MICU3: variants seen among roughly 807,000 people sequenced by gnomAD.
MICU3 encodes calcium uptake protein 3, mitochondrial.
In MICU3, 62 loss-of-function variants were observed where a neutral mutation model predicts 66.5. That is an observed-to-expected ratio of 0.93 (90% confidence interval 0.76 to 1.15). The LOEUF (loss-of-function observed/expected upper bound fraction) is 1.15, where lower values mean the gene tolerates loss of function less well. Ranked by LOEUF, MICU3 falls within the 50% of genes most tolerant of loss-of-function variation. The pLI is 0.00. For synonymous variants in MICU3, 308 were observed against 240.7 expected (o/e 1.28, Z -2.59); for missense variants, 779 against 664.4 (o/e 1.17, Z -1.90).
intron 2 of MICU3, among the ~76,000 whole-genome samples, chr8:17,066,544 T>TATATATATATA (rs1491234403): frequency 8.1e-5 from 5 of 61,514 alleles, no homozygotes; most frequent in African/African-American, 4.4e-4. Flanking sequence ...TATATATAGA[T>TATATATATATA]TTTTTTTTTT....
At chr8:17,125,953 C>G (rs2150853120), downstream of MICU3, among the ~76,000 whole-genome samples, 1 of 150,174 alleles carries the variant, frequency 6.7e-6, no homozygotes, top group South Asian at 2.1e-4. Context: ...TCACTTGAAC[C>G]TGGGAGGTGG....
chr8:17,065,458 A>T (rs1314004252), intron 2 of MICU3, among the ~76,000 whole-genome samples: 1 of 152,218 alleles, frequency 6.6e-6, no homozygotes, highest in Admixed American at 6.5e-5. Flanking sequence ...GAAGCTGTAT[A>T]GGATGAGAAT....
At chr8:17,090,774 T>C (rs1404782682) in intron 8 of MICU3, 190 bp downstream of exon 8, 1 of 421,798 alleles carries the variant, frequency 2.4e-6, no homozygotes, top group Non-Finnish European at 4.2e-6. Flanking sequence ...GACTAAAATA[T>C]GCAGAATAAT....
chr8:17,116,036 G>T lies in MICU3; in HGVS notation c.1367-407G>T, dbSNP rs540501682. ...TCCCTGCTCCACACTAAACACAGAA[G>T]TGATCACTCATCTCCAGATTCTCAT... is the stretch of plus-strand genomic sequence containing the variant. On this transcript the variant is annotated intron_variant, in intron 12 of 14. Coordinates refer to ENST00000318063, the MANE Select transcript of MICU3 (RefSeq NM_181723.3). Among the ~76,000 whole-genome samples, 3 of 152,280 alleles carry T rather than the reference G, an allele frequency of 2.0e-5. No homozygotes were observed. The South Asian group carries it at 6.2e-4, about 32-fold the overall frequency.
intron 3 of MICU3, among the ~76,000 whole-genome samples, chr8:17,075,670 GATT>G (rs1820279116): frequency 1.3e-5 from 2 of 152,184 alleles, no homozygotes; most frequent in African/African-American, 4.8e-5. Context: ...GGAGAAACTA[GATT>G]ATTACTAAAA....
chr8:17,059,606 C>T (rs1817519595), intron 1 of MICU3, among the ~76,000 whole-genome samples: 1 of 152,034 alleles, frequency 6.6e-6, no homozygotes, highest in African/African-American at 2.4e-5. Flanking sequence ...CTTAGCAAAT[C>T]TGAGAAAAAA....
At chr8:17,084,913 T>C (rs1292558917) in intron 5 of MICU3, among the ~76,000 whole-genome samples, 3 of 152,182 alleles carry the variant, frequency 2.0e-5, no homozygotes, top group South Asian at 2.1e-4. Context: ...GCTGAACATA[T>C]TGAATATATT....
intron 11 of MICU3, among the ~76,000 whole-genome samples, chr8:17,106,491 C>T (rs1055813353): frequency 2.0e-5 from 3 of 150,604 alleles, no homozygotes; most frequent in Non-Finnish European, 2.9e-5. Context: ...AATTGTACTA[C>T]CCTAGTAGTG....
chr8:17,064,169 A>G lies in MICU3; in HGVS notation c.467A>G (p.Glu156Gly). Residue 156 changes from glutamate to glycine, a missense_variant, in exon 2 of 15, where the codon GAA becomes GGA. Glu to Gly is a moderately conservative substitution (Grantham distance 98). Transcript: ENST00000318063. ...ERRFRLFASI[E>G]CEGQLFMTPY... ...CGATTTCGTTTATTTGCTTCTATAG[A>G]ATGTGAAGGGCAGTTATTCATGACT... 1 of 1,613,234 alleles carries G rather than the reference A, an allele frequency of 6.2e-7. No homozygotes were observed. Among genetic ancestry groups the G allele is most frequent in the Non-Finnish European group, 8.5e-7 (1 of 1,179,432 alleles).
chr8:17,112,877 C>G (rs749802679), intron 11 of MICU3, among the ~76,000 whole-genome samples: 1 of 152,162 alleles, frequency 6.6e-6, no homozygotes, highest in South Asian at 2.1e-4. Context: ...ACAAGCTCTC[C>G]ACATCACGAC....
At chr8:17,080,071 T>C (rs1317912715) in intron 4 of MICU3, among the ~76,000 whole-genome samples, 1 of 152,038 alleles carries the variant, frequency 6.6e-6, no homozygotes, top group Non-Finnish European at 1.5e-5. Flanking sequence ...ACCATTACTA[T>C]ATGCCTAGCT....
At chr8:17,069,855 T>A in intron 3 of MICU3, 136 bp downstream of exon 3, 1 of 255,660 alleles carries the variant, frequency 3.9e-6, no homozygotes, top group Non-Finnish European at 7.4e-6. Context: ...TCAAATCACA[T>A]CAGAGTTCCT....
intron 2 of MICU3, 26 bp downstream of exon 2, chr8:17,064,263 A>C: frequency 1.9e-6 from 3 of 1,566,342 alleles, no homozygotes; most frequent in Non-Finnish European, 2.6e-6. Flanking sequence ...AAATTATCTT[A>C]ATAATTGTAT....
rs1395488720 is a variant in MICU3 at position 17,036,828 on chromosome 8, C to G, written c.381+9168C>G. Among the ~76,000 whole-genome samples the G allele has an allele frequency of 2.0e-5, 3 of 152,346 alleles. No homozygotes were observed. In the East Asian group the frequency reaches 5.8e-4, roughly 29 times the overall value. On this transcript the variant is annotated intron_variant, in intron 1 of 14. Transcript: ENST00000318063. ...GCGCCGTGCGCTCGCACTCCTCAGCCCTTGGGTGGTCGATGGCACTGGGCA... is the reference window on the plus strand; with the variant it reads ...GCGCCGTGCGCTCGCACTCCTCAGCGCTTGGGTGGTCGATGGCACTGGGCA...
At chr8:17,051,495 T>C (rs553966948) in intron 1 of MICU3, among the ~76,000 whole-genome samples, 15 of 152,302 alleles carry the variant, frequency 9.8e-5, no homozygotes, top group African/African-American at 2.9e-4. Flanking sequence ...AAGTGGGTAA[T>C]TGTAGATTTA....
intron 1 of MICU3, among the ~76,000 whole-genome samples, chr8:17,043,099 C>T (rs987867334): frequency 6.6e-6 from 1 of 151,504 alleles, no homozygotes; most frequent in African/African-American, 2.4e-5. Flanking sequence ...ACCACCACGC[C>T]CGGCTAATTT....
chr8:17,064,104 C>A lies in MICU3; in HGVS notation c.402C>A (p.Asp134Glu). ...TTTAGGTTGCTATTGGCAGAACAGA[C>A]ATTGAAGACTTAGACCTTTATGCCA... Reference protein sequence around the residue: ...AKETVAIGRTDIEDLDLYATS... With the variant: ...AKETVAIGRTEIEDLDLYATS... Residue 134 changes from aspartate (D) to glutamate (E), a missense_variant, in exon 2 of 15, where the codon GAC (aspartate) becomes GAA (glutamate). Asp to Glu is a conservative substitution (Grantham distance 45, BLOSUM62 2). Transcript: ENST00000318063. 5.6e-6 allele frequency: 9 copies of A among 1,611,486 alleles called. No individual in the cohort carries two copies. Among genetic ancestry groups the A allele is most frequent in the Non-Finnish European group, 7.6e-6 (9 of 1,178,586 alleles).
intron 12 of MICU3, among the ~76,000 whole-genome samples, chr8:17,114,835 G>A (rs1324043654): frequency 6.6e-6 from 1 of 152,182 alleles, no homozygotes; most frequent in African/African-American, 2.4e-5. Context: ...AAACCCCAGA[G>A]GAGGCCGGGC....
intron 8 of MICU3, among the ~76,000 whole-genome samples, chr8:17,096,437 G>A (rs996067862): frequency 1.3e-5 from 2 of 151,604 alleles, no homozygotes; most frequent in Non-Finnish European, 2.9e-5. Context: ...TAACTTCATC[G>A]TTCAAATTGT....
Sources: gnomAD v4.1 joint callset for allele counts (sites outside exome capture counted in the v4.1 genomes callset) on GRCh38, gnomAD v4.1.1 for gene constraint, MANE v1.5 for transcripts, NCBI Gene and HGNC (gene_info 2026-07-23, HGNC 2026-07-21) for gene names.